Variants in NPEPPS observed in about 807,000 individuals in gnomAD.
NPEPPS encodes aminopeptidase puromycin sensitive.
In NPEPPS, 14 loss-of-function variants were observed where a neutral mutation model predicts 115.5. The observed-to-expected ratio is 0.12, with a 90% CI of 0.08 to 0.19. The LOEUF is 0.19. NPEPPS is among the 10% of genes least tolerant of loss of function. NPEPPS has a pLI of 1.00. For missense variants in NPEPPS, 523 were observed against 1,110.8 expected (o/e 0.47, Z 7.52); for synonymous variants, 285 against 390.6 (o/e 0.73, Z 3.19).
At chr17:47,614,207 G>C (rs1291632812) in intron 19 of NPEPPS, among the ~76,000 whole-genome samples, 1 of 152,126 alleles carries the variant, frequency 6.6e-6, no homozygotes, top group African/African-American at 2.4e-5. Context: ...GGGGTCAAGT[G>C]ATACACCCAC....
At chr17:47,599,041 TG>T (rs1351190731) in intron 13 of NPEPPS, among the ~76,000 whole-genome samples, 2 of 152,208 alleles carry the variant, frequency 1.3e-5, no homozygotes, top group Non-Finnish European at 2.9e-5. Flanking sequence ...GCCTGTCTGT[TG>T]CTCTTAATTC....
intron 3 of NPEPPS, among the ~76,000 whole-genome samples, chr17:47,573,369 C>A (rs1911314711): frequency 6.6e-6 from 1 of 152,142 alleles, no homozygotes; most frequent in Non-Finnish European, 1.5e-5. Flanking sequence ...TGAAGCTGTT[C>A]ATTCAAAATA....
intron 1 of NPEPPS, among the ~76,000 whole-genome samples, chr17:47,535,541 C>G (rs1908170026): frequency 7.6e-6 from 1 of 131,440 alleles, no homozygotes. Context: ...CAGAGCGAGG[C>G]TCCGTCTCAA....
intron 1 of NPEPPS, among the ~76,000 whole-genome samples, chr17:47,536,382 TTCTC>T (rs774646784): frequency 6.7e-5 from 9 of 134,420 alleles, no homozygotes; most frequent in Middle Eastern, 4.0e-3. Flanking sequence ...TCTGCATATT[TTCTC>T]TCTTTTTTTT....
intron 19 of NPEPPS, among the ~76,000 whole-genome samples, chr17:47,614,077 C>T (rs975370748): frequency 2.0e-5 from 3 of 151,738 alleles, no homozygotes; most frequent in Non-Finnish European, 4.4e-5. Flanking sequence ...CTCAAGTGAT[C>T]CTCCTGCGTC....
chr17:47,615,791 G>T (rs1396597780), intron 19 of NPEPPS, among the ~76,000 whole-genome samples: 1 of 152,112 alleles, frequency 6.6e-6, no homozygotes, highest in Non-Finnish European at 1.5e-5. Context: ...TTTTCCACAA[G>T]TATGTGTATT....
intron 1 of NPEPPS, among the ~76,000 whole-genome samples, chr17:47,540,334 T>G (rs2143690636): frequency 6.6e-6 from 1 of 152,246 alleles, no homozygotes; most frequent in East Asian, 1.9e-4. Flanking sequence ...TTGTTTCACT[T>G]GTGTTTTAAA....
chr17:47,569,596 G>A (rs1911066981), intron 3 of NPEPPS, 102 bp downstream of exon 3: 1 of 684,826 alleles, frequency 1.5e-6, no homozygotes, highest in Non-Finnish European at 2.5e-6. Context: ...ATTGTTATTA[G>A]CAGATTAAGT....
At chr17:47,616,269 C>A (rs1018090776) in intron 19 of NPEPPS, among the ~76,000 whole-genome samples, 1 of 152,074 alleles carries the variant, frequency 6.6e-6, no homozygotes, top group African/African-American at 2.4e-5. Context: ...GCTTAGAGTC[C>A]AAAGGGGCCA....
chr17:47,554,888 A>AT (rs986097421), intron 2 of NPEPPS, among the ~76,000 whole-genome samples: 9 of 152,226 alleles, frequency 5.9e-5, no homozygotes, highest in African/African-American at 2.2e-4. Context: ...GAAAGGGATG[A>AT]TTTATGTTCT....
intron 1 of NPEPPS, among the ~76,000 whole-genome samples, chr17:47,525,414 G>A (rs966743422): frequency 6.6e-6 from 1 of 152,144 alleles, no homozygotes; most frequent in African/African-American, 2.4e-5. Flanking sequence ...CGTGATCTTG[G>A]CTCACTGCAA....
intron 3 of NPEPPS, among the ~76,000 whole-genome samples, chr17:47,578,133 C>T (rs1433180986): frequency 2.7e-5 from 4 of 146,430 alleles, no homozygotes; most frequent in African/African-American, 7.6e-5. Context: ...ACCCAGGAGG[C>T]GGAGGCTGCA....
chr17:47,587,359 TA>T lies in NPEPPS; in HGVS notation c.1095+17del, dbSNP rs372435258. On this transcript the variant is annotated intron_variant, in intron 9 of 22. Transcript: ENST00000322157. ...TTGTTACTATGGTATTTAATATTTT[TA>T]AGTGCTCAAATATATTTATCTTCAT... 6.7e-7 allele frequency: 1 copy of T among 1,489,750 alleles called. No homozygotes were observed. 92.3% of individuals were successfully genotyped at this position (1,489,750 alleles called of 1,614,324 possible).
At chr17:47,616,520 C>T (rs2143976163) in intron 19 of NPEPPS, among the ~76,000 whole-genome samples, 1 of 152,166 alleles carries the variant, frequency 6.6e-6, no homozygotes, top group South Asian at 2.1e-4. Flanking sequence ...CCTGTCTCTA[C>T]TAAATATACA....
At chr17:47,558,986 C>T (rs959577651) in intron 2 of NPEPPS, among the ~76,000 whole-genome samples, 1 of 151,300 alleles carries the variant, frequency 6.6e-6, no homozygotes, top group African/African-American at 2.4e-5. Context: ...TGCAGTGAAC[C>T]GAGATTGCGC....
At chr17:47,604,114 A>G (rs141736695) in intron 16 of NPEPPS, 65 bp downstream of exon 16, 1 of 1,506,538 alleles carries the variant, frequency 6.6e-7, no homozygotes, top group African/African-American at 1.4e-5. Flanking sequence ...TTTTTCCTGG[A>G]GTGTCTGAAA....
intron 22 of NPEPPS, 160 bp downstream of exon 22, chr17:47,619,944 T>C: frequency 1.7e-6 from 1 of 592,896 alleles, no homozygotes; most frequent in South Asian, 2.0e-5. Flanking sequence ...AAGAATTTCC[T>C]AAAAATGGCC....
chr17:47,612,224 T>A (rs1446306647), intron 17 of NPEPPS, among the ~76,000 whole-genome samples: 1 of 152,216 alleles, frequency 6.6e-6, no homozygotes, highest in Non-Finnish European at 1.5e-5. Flanking sequence ...TCAGATAGTT[T>A]GCATTCGTGA....
intron 19 of NPEPPS, among the ~76,000 whole-genome samples, chr17:47,617,050 A>G (rs1391384383): frequency 6.6e-6 from 1 of 152,134 alleles, no homozygotes; most frequent in Non-Finnish European, 1.5e-5. Context: ...TTTCTATGAA[A>G]AGATTTTATA....
Sources: allele counts gnomAD v4.1 joint callset (sites outside exome capture counted in the v4.1 genomes callset), GRCh38; gene constraint gnomAD v4.1.1; transcripts MANE v1.5; gene names NCBI Gene and HGNC (gene_info 2026-07-23, HGNC 2026-07-21).